ST6GAL1: variants seen among roughly 807,000 people sequenced by gnomAD.
The protein encoded by ST6GAL1 is ST6 beta-galactoside alpha-2,6-sialyltransferase 1.
Under a neutral mutation model 38.0 loss-of-function variants are expected in ST6GAL1, and 20 were observed. That is an observed-to-expected ratio of 0.53 (90% CI 0.37 to 0.77). ST6GAL1 has a LOEUF of 0.77. ST6GAL1 is among the 30% of genes least tolerant of loss of function. ST6GAL1 has a pLI of 0.00. For synonymous variants in ST6GAL1, 196 were observed against 188.2 expected (o/e 1.04, Z -0.34); for missense variants, 432 against 496.4 (o/e 0.87, Z 1.23).
chr3:187,045,913 TG>T (rs1718278790), intron 4 of ST6GAL1, among the ~76,000 whole-genome samples: 1 of 152,158 alleles, frequency 6.6e-6, no homozygotes, highest in Non-Finnish European at 1.5e-5. Context: ...GGACGGCATG[TG>T]GGTCCTTGTG....
intron 2 of ST6GAL1, among the ~76,000 whole-genome samples, chr3:187,032,173 T>A (rs986098708): frequency 1.3e-5 from 2 of 152,214 alleles, no homozygotes; most frequent in African/African-American, 4.8e-5. Flanking sequence ...GGTTGATTTT[T>A]GAAAATCAAA....
intron 2 of ST6GAL1, chr3:186,964,183 A>AG (rs1715019737): frequency 6.6e-6 from 1 of 152,200 alleles, no homozygotes; most frequent in African/African-American, 2.4e-5. Flanking sequence ...TGAATTCCCA[A>AG]GGGAATACAT....
intron 2 of ST6GAL1, among the ~76,000 whole-genome samples, chr3:186,988,082 G>A (rs958237021): frequency 6.6e-6 from 1 of 152,150 alleles, no homozygotes; most frequent in Non-Finnish European, 1.5e-5. Context: ...TCTCCTCAGT[G>A]GTCAGGCATT....
At chr3:187,050,860 A>G (rs1718491325) in intron 4 of ST6GAL1, among the ~76,000 whole-genome samples, 1 of 152,228 alleles carries the variant, frequency 6.6e-6, no homozygotes, top group Admixed American at 6.5e-5. Context: ...TTTTTCTGAC[A>G]GAGATAGAAA....
At chr3:186,992,468 A>G (rs965534871) in intron 2 of ST6GAL1, among the ~76,000 whole-genome samples, 1 of 152,098 alleles carries the variant, frequency 6.6e-6, no homozygotes, top group African/African-American at 2.4e-5. Context: ...ATGGACTAAT[A>G]CAATCATGAC....
intron 5 of ST6GAL1, among the ~76,000 whole-genome samples, chr3:187,054,171 G>T (rs1718609823): frequency 6.6e-6 from 1 of 152,196 alleles, no homozygotes; most frequent in Admixed American, 6.5e-5. Context: ...CTTTGCTGAA[G>T]TTGCTTATCA....
At chr3:187,029,361 G>C (rs1717661198) in intron 2 of ST6GAL1, among the ~76,000 whole-genome samples, 1 of 152,112 alleles carries the variant, frequency 6.6e-6, no homozygotes, top group African/African-American at 2.4e-5. Flanking sequence ...TAATGTGTAG[G>C]ATCTAGTGGA....
At chr3:187,033,841 G>C (rs1160776828) in intron 2 of ST6GAL1, among the ~76,000 whole-genome samples, 2 of 151,778 alleles carry the variant, frequency 1.3e-5, no homozygotes, top group African/African-American at 4.8e-5. Flanking sequence ...ACCTAATATT[G>C]CACCCAGAGG....
intron 5 of ST6GAL1, among the ~76,000 whole-genome samples, chr3:187,067,091 T>C (rs1252725963): frequency 4.5e-5 from 4 of 88,734 alleles, no homozygotes; most frequent in African/African-American, 2.5e-4. Flanking sequence ...CTTTTTTTTT[T>C]TTTTTTTTTT....
chr3:186,934,908 A>C (rs1233105867), intron 1 of ST6GAL1, among the ~76,000 whole-genome samples: 9 of 151,972 alleles, frequency 5.9e-5, no homozygotes, highest in Admixed American at 5.9e-4. Context: ...CTGGGACTAC[A>C]GGTGCCCGCC....
intron 2 of ST6GAL1, chr3:186,986,269 T>C (rs1254018711): frequency 2.0e-5 from 3 of 152,214 alleles, no homozygotes; most frequent in African/African-American, 7.2e-5. Context: ...CAAACCAGCT[T>C]GTGAAACATC....
At chr3:187,000,645 C>T (rs982739340) in intron 2 of ST6GAL1, among the ~76,000 whole-genome samples, 16 of 152,164 alleles carry the variant, frequency 1.1e-4, no homozygotes, top group Non-Finnish European at 2.2e-4. Flanking sequence ...CATAGGCAAT[C>T]GATGGACTTC....
intron 5 of ST6GAL1, among the ~76,000 whole-genome samples, chr3:187,069,031 A>G (rs1579382660): frequency 1.3e-5 from 2 of 152,222 alleles, no homozygotes; most frequent in East Asian, 3.9e-4. Flanking sequence ...TCCCAGTGGA[A>G]GGAGGACAGT....
In ST6GAL1 at chr3:187,020,944, G is replaced by A. The variant is rs974407402; in HGVS notation, c.-182-17798G>A. On this transcript the variant is annotated intron_variant, in intron 2 of 7. Transcript: ENST00000169298. ...CAAAGTGGGGGAGGGTGCGGTGTTA[G>A]GATATATGTATTGGTGGTTTTTTTT... Among the ~76,000 whole-genome samples the A allele has an allele frequency of 2.0e-5, 3 of 151,230 alleles. No homozygotes were observed. The South Asian group carries it at 6.3e-4, about 32-fold the overall frequency.
chr3:186,951,487 C>G (rs1018291250), intron 1 of ST6GAL1, among the ~76,000 whole-genome samples: 7 of 152,170 alleles, frequency 4.6e-5, no homozygotes, highest in African/African-American at 1.2e-4. Flanking sequence ...CGTATTGCTG[C>G]CTGAATTCCT....
intron 2 of ST6GAL1, among the ~76,000 whole-genome samples, chr3:187,022,212 T>C (rs1187456611): frequency 6.6e-6 from 1 of 152,064 alleles, no homozygotes; most frequent in Non-Finnish European, 1.5e-5. Context: ...TGGAACTGAA[T>C]TAGAGGACAC....
intron 1 of ST6GAL1, among the ~76,000 whole-genome samples, chr3:186,958,622 T>G (rs927057929): frequency 8.5e-5 from 13 of 152,174 alleles, no homozygotes; most frequent in Non-Finnish European, 1.6e-4. Flanking sequence ...CCACTGGACC[T>G]TAAAAATCAT....
intron 1 of ST6GAL1, among the ~76,000 whole-genome samples, chr3:186,938,962 A>T (rs955534025): frequency 1.3e-5 from 2 of 151,228 alleles, no homozygotes; most frequent in East Asian, 2.0e-4. Flanking sequence ...GTGTGTGTGT[A>T]TGTGTGTGTA....
chr3:186,987,284 G>T (rs1389543740), intron 2 of ST6GAL1, among the ~76,000 whole-genome samples: 2 of 152,074 alleles, frequency 1.3e-5, no homozygotes, highest in Non-Finnish European at 2.9e-5. Context: ...AGCCCCTAAG[G>T]TTAGTAAGTA....
Sources: allele counts gnomAD v4.1 joint callset (sites outside exome capture counted in the v4.1 genomes callset), GRCh38; gene constraint gnomAD v4.1.1; transcripts MANE v1.5; gene names NCBI Gene and HGNC (gene_info 2026-07-23, HGNC 2026-07-21).